Variants in DNAH7 observed in about 807,000 individuals in gnomAD.
DNAH7 encodes the protein dynein axonemal heavy chain 7.
DNAH7 carries 397 observed loss-of-function variants against 444.6 expected under a neutral mutation model. The observed-to-expected ratio is 0.89, with a 90% CI of 0.82 to 0.97. The LOEUF (loss-of-function observed/expected upper bound fraction) is 0.97, where lower values mean the gene tolerates loss of function less well. Ranked by LOEUF, DNAH7 falls within the 50% of genes least tolerant of loss-of-function variation. The pLI, the probability that DNAH7 is intolerant of heterozygous loss-of-function variation, is 0.00. For synonymous variants in DNAH7, 1,636 were observed against 1,624.4 expected (o/e 1.01, Z -0.17); for missense variants, 4,902 against 4,800.8 (o/e 1.02, Z -0.62).
chr2:195,872,337 A>G lies in DNAH7; in HGVS notation c.6546T>C (p.Asp2182=). The G allele has an allele frequency of 3.1e-6, 5 of 1,613,968 alleles. No homozygotes were observed. The highest frequency in any genetic ancestry group is 4.2e-6 in the Non-Finnish European group (5 of 1,179,942). Reference sequence around the variant, plus strand: ...AAACACCTTGAATGACACGGGAGAAATCACGGAGGTTGAACAAGTAGTGAG... The same window carrying G: ...AAACACCTTGAATGACACGGGAGAAGTCACGGAGGTTGAACAAGTAGTGAG... ...AKSHYLFNLR[D]FSRVIQGVCL... Residue 2182 remains aspartate (D), a synonymous_variant, in exon 40 of 65, where the codon GAT becomes GAC. Coordinates refer to ENST00000312428, the MANE Select transcript of DNAH7 (RefSeq NM_018897.3).
chr2:195,770,125 C>T (rs1449421416), intron 61 of DNAH7, among the ~76,000 whole-genome samples: 1 of 152,102 alleles, frequency 6.6e-6, no homozygotes, highest in Non-Finnish European at 1.5e-5. Flanking sequence ...AGTAATAACT[C>T]ATAAGCAGCC....
intron 63 of DNAH7, among the ~76,000 whole-genome samples, chr2:195,741,706 GA>G (rs1693045121): frequency 1.3e-5 from 2 of 152,174 alleles, no homozygotes; most frequent in South Asian, 4.2e-4. Context: ...CCACCTTGTA[GA>G]GTTGTTAGAA....
chr2:196,051,470 A>G (rs1697461590), intron 2 of DNAH7, among the ~76,000 whole-genome samples: 1 of 152,198 alleles, frequency 6.6e-6, no homozygotes, highest in South Asian at 2.1e-4. Flanking sequence ...CTTATCAGAA[A>G]GCTTTAAAAA....
chr2:195,962,864 C>T (rs2125538656), intron 17 of DNAH7, among the ~76,000 whole-genome samples: 1 of 152,212 alleles, frequency 6.6e-6, no homozygotes, highest in South Asian at 2.1e-4. Context: ...TGGGAACATG[C>T]AAAGTTTGTC....
At chr2:195,925,848 T>G (rs1389959657) in intron 22 of DNAH7, among the ~76,000 whole-genome samples, 1 of 152,202 alleles carries the variant, frequency 6.6e-6, no homozygotes, top group Non-Finnish European at 1.5e-5. Context: ...ATGATAGAAC[T>G]GCTGCAATGA....
At chr2:195,834,184 T>C (rs1429972923) in intron 48 of DNAH7, 22 bp downstream of exon 48, 1 of 1,594,384 alleles carries the variant, frequency 6.3e-7, no homozygotes, top group East Asian at 2.3e-5. Flanking sequence ...CTGTAATGTA[T>C]CTTAGTTATT....
chr2:196,004,764 A>G (rs531360184), intron 10 of DNAH7, among the ~76,000 whole-genome samples: 30 of 147,016 alleles, frequency 2.0e-4, no homozygotes, highest in African/African-American at 7.7e-4. Flanking sequence ...AGCCTGGACA[A>G]CATGGTGAGG....
At chr2:195,752,762 G>A (rs923010035) in intron 63 of DNAH7, among the ~76,000 whole-genome samples, 1 of 152,062 alleles carries the variant, frequency 6.6e-6, no homozygotes, top group Non-Finnish European at 1.5e-5. Flanking sequence ...GATGGCAACT[G>A]GTAAAAATCA....
chr2:195,759,687 C>CA (rs1381772850), intron 61 of DNAH7, among the ~76,000 whole-genome samples: 1 of 151,914 alleles, frequency 6.6e-6, no homozygotes, highest in East Asian at 1.9e-4. Flanking sequence ...CCCGTCTCTA[C>CA]AAAAAATAAA....
chr2:195,918,794 A>G (rs1687843714), intron 24 of DNAH7, among the ~76,000 whole-genome samples: 1 of 152,212 alleles, frequency 6.6e-6, no homozygotes, highest in Non-Finnish European at 1.5e-5. Flanking sequence ...TTAGGGCAGT[A>G]AAATTATTCT....
At chr2:195,962,764 T>A (rs1002935537) in intron 17 of DNAH7, among the ~76,000 whole-genome samples, 3 of 152,218 alleles carry the variant, frequency 2.0e-5, no homozygotes, top group Non-Finnish European at 2.9e-5. Flanking sequence ...CCCTACTCCA[T>A]CACTACCCTT....
rs200373928 is a variant in DNAH7 at position 195,957,435 on chromosome 2, G to C, written c.2904C>G (p.Gly968=). Residue 968 remains glycine, a synonymous_variant, in exon 19 of 65, where the codon GGC becomes GGG. Transcript: ENST00000312428. The part of the protein sequence containing the change: ...PYEKQMREWE[G]KLLLLQEILD... ...GAATCTCCTGAAGCAGTAGGAGCTTGCCCTCCCATTCTCTGAGGAGCAAAA... is the reference window on the plus strand; with the variant it reads ...GAATCTCCTGAAGCAGTAGGAGCTTCCCCTCCCATTCTCTGAGGAGCAAAA... 22 of 1,556,938 alleles carry C rather than the reference G, an allele frequency of 1.4e-5. No homozygotes were observed. The African/African-American group carries it at 2.8e-4, about 20-fold the overall frequency.
At chr2:195,825,492 T>C (rs1697697114) in intron 48 of DNAH7, among the ~76,000 whole-genome samples, 1 of 152,210 alleles carries the variant, frequency 6.6e-6, no homozygotes, top group Admixed American at 6.5e-5. Flanking sequence ...TAGTGTATCA[T>C]ATTAGTGTTC....
chr2:195,980,641 A>G, intron 15 of DNAH7, among the ~76,000 whole-genome samples: 1 of 152,210 alleles, frequency 6.6e-6, no homozygotes, highest in East Asian at 1.9e-4. Context: ...TCAACCACAC[A>G]TTAAAAAGGT....
chr2:195,828,611 T>TATA lies in DNAH7; in HGVS notation c.9101-4167_9101-4166insTAT, dbSNP rs1491404849. ...AAAATAACATATATATATATATATA[T>TATA]TTTTTTTTTTTTTTTCTATTGCATA... On this transcript the variant is annotated intron_variant, in intron 48 of 64. Transcript: ENST00000312428. 5.9e-3 allele frequency among the ~76,000 whole-genome samples: 409 copies of TATA among 69,352 alleles called. 1 individual carries two copies. The highest frequency in any genetic ancestry group is 0.015 in the African/African-American group (295 of 20,060). 45.5% of individuals were successfully genotyped at this position (69,352 alleles called of 152,430 possible). A position where few individuals can be genotyped will look rare whatever the true frequency, so the allele number is the denominator to read the frequency against.
chr2:195,756,061 C>T, intron 62 of DNAH7, 72 bp downstream of exon 62: 1 of 1,476,678 alleles, frequency 6.8e-7, no homozygotes, highest in Non-Finnish European at 9.2e-7. Flanking sequence ...ATACTCATTA[C>T]ATTAAGCATT....
chr2:195,932,262 T>A (rs1055886384), intron 21 of DNAH7, among the ~76,000 whole-genome samples: 1 of 152,226 alleles, frequency 6.6e-6, no homozygotes, highest in African/African-American at 2.4e-5. Context: ...TTTTTGCACA[T>A]TGATTTTGTA....
At chr2:196,066,721 T>C (rs1698448565) in intron 1 of DNAH7, among the ~76,000 whole-genome samples, 1 of 152,208 alleles carries the variant, frequency 6.6e-6, no homozygotes, top group African/African-American at 2.4e-5. Context: ...ACTCTCAACC[T>C]TCCACTAATG....
At chr2:195,961,134 A>G in intron 17 of DNAH7, among the ~76,000 whole-genome samples, 189 bp from the exon 18 acceptor site, 1 of 152,322 alleles carries the variant, frequency 6.6e-6, no homozygotes, top group African/African-American at 2.4e-5. Flanking sequence ...TTAATTGACA[A>G]AAATGTACAT....
Sources: allele counts gnomAD v4.1 joint callset (sites outside exome capture counted in the v4.1 genomes callset), GRCh38; gene constraint gnomAD v4.1.1; transcripts MANE v1.5; gene names NCBI Gene and HGNC (gene_info 2026-07-23, HGNC 2026-07-21).